Variants in FGF14 observed in about 807,000 individuals in gnomAD.
FGF14 encodes the protein fibroblast growth factor homologous factor 4.
Under a neutral mutation model 25.5 loss-of-function variants are expected in FGF14, and 5 were observed. The ratio of observed to expected loss-of-function variants is 0.20; its 90% CI spans 0.10 to 0.41. The LOEUF (loss-of-function observed/expected upper bound fraction) is 0.41. Among genes scored for constraint, FGF14 ranks in the 10% least tolerant of loss-of-function variants. The probability of loss-of-function intolerance (pLI) is 1.00; values close to 1 mark genes in which losing one functional copy is unlikely to be tolerated. For synonymous variants in FGF14, 138 were observed against 118.3 expected (o/e 1.17, Z -1.08); for missense variants, 222 against 320.1 (o/e 0.69, Z 2.34).
intron 1 of FGF14, among the ~76,000 whole-genome samples, chr13:101,942,216 T>A (rs1041703083): frequency 3.9e-5 from 6 of 152,326 alleles, no homozygotes; most frequent in South Asian, 4.1e-4. Context: ...GGTGCAATTA[T>A]CTGATTTGCC....
At chr13:102,187,656 A>G (rs779492703) in intron 1 of FGF14, among the ~76,000 whole-genome samples, 1 of 152,080 alleles carries the variant, frequency 6.6e-6, no homozygotes, top group South Asian at 2.1e-4. Context: ...TACCACGCAC[A>G]TTTGAGGACA....
At chr13:101,868,635 A>G (rs372609706) in intron 3 of FGF14, 90 bp downstream of exon 3, 4 of 880,060 alleles carry the variant, frequency 4.5e-6, no homozygotes, top group East Asian at 4.9e-5. Context: ...TGGCAGAAAC[A>G]ACAGACATAG....
At chr13:102,264,075 G>A (rs760728171) in intron 1 of FGF14, among the ~76,000 whole-genome samples, 5 of 149,098 alleles carry the variant, frequency 3.4e-5, no homozygotes, top group African/African-American at 7.5e-5. Context: ...GAATTCCTAT[G>A]TACTTCTGAG....
intron 1 of FGF14, among the ~76,000 whole-genome samples, chr13:102,098,627 G>A (rs1235627842): frequency 6.6e-6 from 1 of 152,190 alleles, no homozygotes; most frequent in Non-Finnish European, 1.5e-5. Context: ...AGCAGGAGAG[G>A]TTAAAATGTT....
intron 1 of FGF14, among the ~76,000 whole-genome samples, chr13:102,161,707 A>G (rs911013181): frequency 1.3e-5 from 2 of 149,340 alleles, no homozygotes; most frequent in African/African-American, 2.5e-5. Flanking sequence ...GAAGAAGAAG[A>G]AGAAGAAGAA....
At chr13:101,829,301 T>C (rs2042558268) in intron 3 of FGF14, among the ~76,000 whole-genome samples, 1 of 152,142 alleles carries the variant, frequency 6.6e-6, no homozygotes, top group African/African-American at 2.4e-5. Context: ...TGAATCTGTG[T>C]GAAATCAGTT....
At chr13:102,188,856 G>A (rs1324898053) in intron 1 of FGF14, among the ~76,000 whole-genome samples, 23 of 151,552 alleles carry the variant, frequency 1.5e-4, no homozygotes, top group Admixed American at 8.6e-4. Context: ...CAGGACAATC[G>A]CTTGAACCTG....
chr13:101,778,912 A>G (rs1040495945), intron 3 of FGF14: 9 of 152,060 alleles, frequency 5.9e-5, no homozygotes, highest in Non-Finnish European at 1.0e-4. Context: ...AGCCCCCACT[A>G]CCACCAATTA....
chr13:102,233,887 T>C (rs1248552875), intron 1 of FGF14, among the ~76,000 whole-genome samples: 1 of 152,210 alleles, frequency 6.6e-6, no homozygotes, highest in African/African-American at 2.4e-5. Context: ...AATTGGTTTC[T>C]CGTCAAGTTT....
At chr13:102,092,707 G>A (rs967874102) in intron 1 of FGF14, among the ~76,000 whole-genome samples, 17 of 152,098 alleles carry the variant, frequency 1.1e-4, no homozygotes, top group Non-Finnish European at 2.2e-4. Context: ...TAATATTTGT[G>A]CATAATCATA....
intron 1 of FGF14, among the ~76,000 whole-genome samples, chr13:102,269,309 GTGTC>G (rs1341892359): frequency 1.3e-5 from 2 of 152,176 alleles, no homozygotes; most frequent in Non-Finnish European, 2.9e-5. Context: ...AACTCTGAAA[GTGTC>G]TGTCAGCATG....
intron 1 of FGF14, among the ~76,000 whole-genome samples, chr13:102,158,678 A>G (rs940590062): frequency 9.2e-5 from 14 of 152,316 alleles, no homozygotes; most frequent in African/African-American, 1.9e-4. Flanking sequence ...AATAAAAAAA[A>G]AAATCTTTGA....
At chr13:102,018,902 C>CAA (rs1289956626) in intron 1 of FGF14, among the ~76,000 whole-genome samples, 3 of 152,150 alleles carry the variant, frequency 2.0e-5, no homozygotes, top group Non-Finnish European at 4.4e-5. Context: ...TCAGAACTTT[C>CAA]AAGTATGGGG....
At chr13:102,294,728 A>G (rs940419204) in intron 1 of FGF14, among the ~76,000 whole-genome samples, 1 of 151,998 alleles carries the variant, frequency 6.6e-6, no homozygotes, top group Non-Finnish European at 1.5e-5. Flanking sequence ...ATATTAGTGA[A>G]ATTTTTCTAG....
chr13:102,161,635 A>G (rs1361826664), intron 1 of FGF14, among the ~76,000 whole-genome samples: 24 of 11,308 alleles, frequency 2.1e-3, no homozygotes, highest in Admixed American at 5.7e-3. Flanking sequence ...GAAGAAGAAG[A>G]AGAAGAAGAA....
chr13:101,997,906 C>G (rs2139710838), intron 1 of FGF14, among the ~76,000 whole-genome samples: 1 of 152,102 alleles, frequency 6.6e-6, no homozygotes, highest in Middle Eastern at 3.4e-3. Flanking sequence ...TATTTAAGTA[C>G]ACAACATGAT....
Position 101,755,054 on chromosome 13 carries a change from A to C in FGF14, c.409-28244T>G, listed in dbSNP as rs117174562. Among the ~76,000 whole-genome samples the C allele has an allele frequency of 6.3e-3, 957 of 152,346 alleles. 8 individuals are homozygous for C. Among genetic ancestry groups the C allele is most frequent in the Non-Finnish European group, 0.01 (698 of 68,030 alleles). On this transcript the variant is annotated intron_variant, in intron 3 of 4. Transcript: ENST00000376143. Reference sequence around the variant, plus strand: ...TATCTAAGTATGTACATATAAACTTATACAAACAAATACTACAGAAACATT... The same window carrying C: ...TATCTAAGTATGTACATATAAACTTCTACAAACAAATACTACAGAAACATT...
At chr13:101,803,128 CT>C (rs538040504) in intron 3 of FGF14, among the ~76,000 whole-genome samples, 11,498 of 132,848 alleles carry the variant, frequency 0.087, 1,136 homozygotes, top group African/African-American at 0.28. Flanking sequence ...CATTTTGAAA[CT>C]TTTTTTTTTT....
intron 1 of FGF14, among the ~76,000 whole-genome samples, chr13:102,068,736 T>C (rs2478053): frequency 0.58 from 88,199 of 152,078 alleles, 28,236 homozygotes; most frequent in African/African-American, 0.86. Flanking sequence ...ACCTGCAGCC[T>C]GCCATGCCTG....
Sources: gnomAD v4.1 joint callset for allele counts (sites outside exome capture counted in the v4.1 genomes callset) on GRCh38, gnomAD v4.1.1 for gene constraint, MANE v1.5 for transcripts, NCBI Gene and HGNC (gene_info 2026-07-23, HGNC 2026-07-21) for gene names.